Variants in FTO observed in about 807,000 individuals in gnomAD.
FTO encodes the protein FTO alpha-ketoglutarate dependent dioxygenase.
Under a neutral mutation model 63.9 loss-of-function variants are expected in FTO, and 47 were observed. The observed-to-expected ratio is 0.74, with a 90% confidence interval of 0.58 to 0.94. FTO has a LOEUF of 0.94. Among genes scored for constraint, FTO ranks in the 40% least tolerant of loss-of-function variants. The pLI is 0.00. For synonymous variants in FTO, 207 were observed against 224.4 expected, an observed-to-expected ratio of 0.92 and a Z score of 0.69; for missense variants, 562 against 618.1, an observed-to-expected ratio of 0.91 and a Z score of 0.96.
At chr16:53,820,465 T>A (rs1354494144) in intron 2 of FTO, among the ~76,000 whole-genome samples, 1 of 151,652 alleles carries the variant, frequency 6.6e-6, no homozygotes, top group Non-Finnish European at 1.5e-5. Flanking sequence ...AGGGTGGAGA[T>A]TCAGGAAAGG....
At chr16:53,734,474 C>G (rs939024813) in intron 1 of FTO, among the ~76,000 whole-genome samples, 45 of 152,204 alleles carry the variant, frequency 3.0e-4, no homozygotes, top group African/African-American at 9.6e-4. Flanking sequence ...ATTGCAGATC[C>G]CAAATGTCTA....
At chr16:53,779,019 A>G (rs1039572935) in intron 1 of FTO, among the ~76,000 whole-genome samples, 8 of 152,192 alleles carry the variant, frequency 5.3e-5, no homozygotes, top group African/African-American at 1.9e-4. Context: ...TTTGAGCAAC[A>G]TGCGAAAATT....
chr16:54,021,514 G>C (rs1459315342), intron 8 of FTO, among the ~76,000 whole-genome samples: 1 of 151,998 alleles, frequency 6.6e-6, no homozygotes, highest in Admixed American at 6.6e-5. Context: ...TTTTGAGACA[G>C]AGTCTCCCTC....
intron 4 of FTO, among the ~76,000 whole-genome samples, chr16:53,869,108 A>G (rs1393920972): frequency 2.0e-5 from 3 of 152,184 alleles, no homozygotes; most frequent in Non-Finnish European, 4.4e-5. Flanking sequence ...CTTGGATTAC[A>G]GACATGAGCC....
intron 7 of FTO, among the ~76,000 whole-genome samples, chr16:53,910,398 G>A (rs186123866): frequency 5.0e-4 from 76 of 152,216 alleles, no homozygotes; most frequent in Middle Eastern, 3.4e-3. Context: ...AATTAGAACT[G>A]GTAGCAGCAT....
At chr16:54,094,519 C>T (rs1309623309) in intron 8 of FTO, among the ~76,000 whole-genome samples, 3 of 152,160 alleles carry the variant, frequency 2.0e-5, no homozygotes, top group African/African-American at 7.2e-5. Flanking sequence ...ATAGGATTAC[C>T]CTCCTTCCTC....
intron 8 of FTO, chr16:53,994,264 AT>A (rs1179884185): frequency 6.6e-6 from 1 of 152,120 alleles, no homozygotes; most frequent in Non-Finnish European, 1.5e-5. Flanking sequence ...AACATTCTGC[AT>A]CTCTTAAACT....
At chr16:54,061,973 G>C (rs2085587921) in intron 8 of FTO, among the ~76,000 whole-genome samples, 1 of 152,132 alleles carries the variant, frequency 6.6e-6, no homozygotes, top group African/African-American at 2.4e-5. Context: ...ATTTCAGTGT[G>C]TCCCTTGATG....
chr16:53,739,733 T>C (rs2076487399), intron 1 of FTO, among the ~76,000 whole-genome samples: 1 of 152,210 alleles, frequency 6.6e-6, no homozygotes, highest in Non-Finnish European at 1.5e-5. Flanking sequence ...TGATTGTATC[T>C]TTTTTGTCTG....
At chr16:53,739,994 T>C (rs2076493643) in intron 1 of FTO, among the ~76,000 whole-genome samples, 1 of 152,208 alleles carries the variant, frequency 6.6e-6, no homozygotes, top group Non-Finnish European at 1.5e-5. Flanking sequence ...TGGAAGTCAC[T>C]TGTTTTAAAG....
chr16:54,106,579 A>T (rs1285946736), intron 8 of FTO, among the ~76,000 whole-genome samples: 5 of 141,398 alleles, frequency 3.5e-5, no homozygotes, highest in Non-Finnish European at 1.5e-5. Context: ...TATATTTATT[A>T]TATAATTATA....
Position 53,794,169 on chromosome 16 carries a change from G to A in FTO, c.46-15971G>A, listed in dbSNP as rs543164416. Among the ~76,000 whole-genome samples, 26 of 152,314 alleles carry A rather than the reference G, an allele frequency of 1.7e-4. No homozygotes were observed. The East Asian group carries it at 1.7e-3, about 10-fold the overall frequency. ...CGTAATTTCACAATGTGAATCAGAA[G>A]TCTTAATAGTGCATACGTTTTGACC... On this transcript the variant is annotated intron_variant, in intron 1 of 8. Transcript: ENST00000471389.
At chr16:53,776,260 G>A (rs1219762711) in intron 1 of FTO, among the ~76,000 whole-genome samples, 2 of 152,202 alleles carry the variant, frequency 1.3e-5, no homozygotes, top group South Asian at 2.1e-4. Flanking sequence ...AGTGTGTGTT[G>A]TGAAATAGCA....
chr16:53,985,034 G>C (rs575693783), intron 8 of FTO: 3 of 455,034 alleles, frequency 6.6e-6, no homozygotes, highest in Non-Finnish European at 1.3e-5. Context: ...AAAACCTGCC[G>C]TTAATTTCTG....
At chr16:53,858,535 A>G (rs2080074070) in intron 4 of FTO, among the ~76,000 whole-genome samples, 1 of 152,238 alleles carries the variant, frequency 6.6e-6, no homozygotes, top group Non-Finnish European at 1.5e-5. Flanking sequence ...CTCAAGGTAC[A>G]TAACTTCCCC....
At chr16:54,100,791 T>C (rs2086623621) in intron 8 of FTO, among the ~76,000 whole-genome samples, 1 of 152,226 alleles carries the variant, frequency 6.6e-6, no homozygotes, top group African/African-American at 2.4e-5. Context: ...CTGATAAACC[T>C]ACAGGGGCGG....
chr16:54,017,529 G>GTTCTGAAGCAGAACATTCTAGGCAA (rs1217034506), intron 8 of FTO, among the ~76,000 whole-genome samples: 1 of 152,172 alleles, frequency 6.6e-6, no homozygotes, highest in Non-Finnish European at 1.5e-5. Flanking sequence ...CTAGGCAAAT[G>GTTCTGAAGCAGAACATTCTAGGCAA]TATTCTGAAG....
chr16:53,843,231 T>C (rs915385650), intron 3 of FTO, among the ~76,000 whole-genome samples: 1 of 152,208 alleles, frequency 6.6e-6, no homozygotes, highest in Non-Finnish European at 1.5e-5. Context: ...TGTAGGACTT[T>C]TAGTATACAT....
chr16:53,840,294 T>G (rs1476761464), intron 3 of FTO, among the ~76,000 whole-genome samples: 1 of 152,196 alleles, frequency 6.6e-6, no homozygotes, highest in Non-Finnish European at 1.5e-5. Context: ...AATATAAACA[T>G]AATTTTTATA....
Sources: allele counts gnomAD v4.1 joint callset (sites outside exome capture counted in the v4.1 genomes callset), GRCh38; gene constraint gnomAD v4.1.1; transcripts MANE v1.5; gene names NCBI Gene and HGNC (gene_info 2026-07-23, HGNC 2026-07-21).